The following SEL1L3 variants were observed in gnomAD, a reference collection of about 807,000 sequenced individuals.
The protein encoded by SEL1L3 is SEL1L family member 3.
Under a neutral mutation model 142.8 loss-of-function variants are expected in SEL1L3, and 76 were observed. The ratio of observed to expected loss-of-function variants is 0.53; its 90% CI spans 0.44 to 0.64. The LOEUF (loss-of-function observed/expected upper bound fraction) is 0.64, where lower values mean the gene tolerates loss of function less well. Ranked by LOEUF, SEL1L3 falls within the 30% of genes least tolerant of loss-of-function variation. The pLI is 0.00. For missense variants in SEL1L3, 1,262 were observed against 1,381.7 expected (o/e 0.91, Z 1.37); for synonymous variants, 504 against 519.6 (o/e 0.97, Z 0.41).
At chr4:25,726,996 G>T in the SEL1L3 span, among the ~76,000 whole-genome samples, 1 of 151,378 alleles carries the variant, frequency 6.6e-6, no homozygotes, top group East Asian at 1.9e-4. Context: ...TCATGTGGTT[G>T]GTCGTCCCCC....
At chr4:25,735,019 G>A in the SEL1L3 span, among the ~76,000 whole-genome samples, 4 of 151,718 alleles carry the variant, frequency 2.6e-5, no homozygotes, top group East Asian at 7.7e-4. Context: ...GTGTACAGTT[G>A]GTATATTTTC....
chr4:25,827,676 C>T (rs1264942698), intron 6 of SEL1L3, among the ~76,000 whole-genome samples: 1 of 152,114 alleles, frequency 6.6e-6, no homozygotes, highest in Non-Finnish European at 1.5e-5. Flanking sequence ...CCGGCCCCAG[C>T]CCTGGATCAT....
chr4:25,802,222 C>T, intron 11 of SEL1L3, 61 bp downstream of exon 11: 4 of 1,474,108 alleles, frequency 2.7e-6, no homozygotes, highest in East Asian at 2.3e-5. Context: ...CAGGGGCAGA[C>T]ACTTCATGAA....
intron 1 of SEL1L3, 78 bp downstream of exon 1, chr4:25,862,597 G>A: frequency 2.7e-6 from 2 of 730,066 alleles, no homozygotes; most frequent in South Asian, 5.8e-5. Flanking sequence ...CCCGCGTGGC[G>A]GGTGTCCCCG....
intron 8 of SEL1L3, 141 bp downstream of exon 8, chr4:25,819,667 G>A (rs1486688207): frequency 1.5e-5 from 10 of 669,672 alleles, no homozygotes; most frequent in Admixed American, 7.5e-5. Context: ...CACCAGTGGA[G>A]GGCTCAAGGT....
At chr4:25,776,212 C>T in intron 17 of SEL1L3, 65 bp downstream of exon 17, 2 of 1,008,816 alleles carry the variant, frequency 2.0e-6, no homozygotes, top group East Asian at 2.4e-5. Context: ...TTTAAGACTC[C>T]ATTTCATAAG....
upstream of SEL1L3, chr4:25,863,026 A>G (rs1717851783): frequency 2.1e-5 from 3 of 142,850 alleles, no homozygotes; most frequent in Non-Finnish European, 3.6e-5. Context: ...GCCCCAGCCG[A>G]GCGCCGGCTC....
At chr4:25,734,025 CTTTG>C in the SEL1L3 span, among the ~76,000 whole-genome samples, 1 of 151,732 alleles carries the variant, frequency 6.6e-6, no homozygotes, top group African/African-American at 2.4e-5. Context: ...GTTTTTTGGG[CTTTG>C]TTTTTTTTGA....
At chr4:25,846,539 C>A (rs1328051682) in intron 2 of SEL1L3, among the ~76,000 whole-genome samples, 2 of 152,136 alleles carry the variant, frequency 1.3e-5, no homozygotes, top group African/African-American at 4.8e-5. Context: ...GGTTACCATT[C>A]TGTGGTACAA....
At chr4:25,819,439 G>A (rs1411692216) in intron 8 of SEL1L3, among the ~76,000 whole-genome samples, 2 of 152,202 alleles carry the variant, frequency 1.3e-5, no homozygotes, top group Non-Finnish European at 2.9e-5. Flanking sequence ...CACTGATGGG[G>A]AAACATTTCT....
chr4:25,846,973 A>G (rs1317823216), intron 2 of SEL1L3, among the ~76,000 whole-genome samples: 3 of 151,582 alleles, frequency 2.0e-5, no homozygotes, highest in African/African-American at 4.9e-5. Flanking sequence ...GTGAGTGGGA[A>G]GATTTTCCCA....
At chr4:25,853,944 T>C (rs1717071516) in intron 1 of SEL1L3, among the ~76,000 whole-genome samples, 1 of 152,152 alleles carries the variant, frequency 6.6e-6, no homozygotes, top group Non-Finnish European at 1.5e-5. Context: ...AGTGCTAGGA[T>C]TACAGGTGTG....
At chr4:25,726,043 C>T in the SEL1L3 span, among the ~76,000 whole-genome samples, 1 of 152,120 alleles carries the variant, frequency 6.6e-6, no homozygotes, top group African/African-American at 2.4e-5. Flanking sequence ...CCCAACAGGT[C>T]TCAGCCTCAT....
chr4:25,725,425 C>G, the SEL1L3 span, among the ~76,000 whole-genome samples: 1 of 151,586 alleles, frequency 6.6e-6, no homozygotes. Flanking sequence ...AAGCAATTCT[C>G]CTGCCTCCGC....
In SEL1L3 at chr4:25,859,922, A is replaced by T. The variant is rs936231; in HGVS notation, c.162+2753T>A. Reference sequence around the variant, plus strand: ...GACCTCACATCCTGGCCAATTGCACAGTAGCTGCTAATTGCTAGAGCTCTG... The same window carrying T: ...GACCTCACATCCTGGCCAATTGCACTGTAGCTGCTAATTGCTAGAGCTCTG... On this transcript the variant is annotated intron_variant, in intron 1 of 23. Transcript: ENST00000399878. 2.4e-4 allele frequency among the ~76,000 whole-genome samples: 37 copies of T among 152,326 alleles called. No individual in the cohort carries two copies. In the East Asian group the frequency reaches 6.2e-3, roughly 25 times the overall value.
At chr4:25,752,794 T>G (rs747227176) in intron 23 of SEL1L3, among the ~76,000 whole-genome samples, 1 of 152,236 alleles carries the variant, frequency 6.6e-6, no homozygotes, top group African/African-American at 2.4e-5. Context: ...CTAATTTTTG[T>G]ATTTTTAGTA....
chr4:25,787,511 G>A (rs936789689), intron 13 of SEL1L3, among the ~76,000 whole-genome samples: 13 of 152,144 alleles, frequency 8.5e-5, no homozygotes, highest in African/African-American at 2.7e-4. Flanking sequence ...GTAGAGACGG[G>A]GTTTCACCAT....
At chr4:25,792,116 C>A (rs76625436) in intron 11 of SEL1L3, among the ~76,000 whole-genome samples, 13,710 of 152,130 alleles carry the variant, frequency 0.09, 707 homozygotes, top group South Asian at 0.2. Context: ...GAGGAGGCCA[C>A]CAAGTTAACA....
chr4:25,833,350 G>T, intron 4 of SEL1L3, 98 bp downstream of exon 4: 1 of 1,212,144 alleles, frequency 8.2e-7, no homozygotes, highest in Non-Finnish European at 1.2e-6. Flanking sequence ...GGGCTGCCAT[G>T]TTGACAGGAT....
Sources: allele counts gnomAD v4.1 joint callset (sites outside exome capture counted in the v4.1 genomes callset), GRCh38; gene constraint gnomAD v4.1.1; transcripts MANE v1.5; gene names NCBI Gene and HGNC (gene_info 2026-07-23, HGNC 2026-07-21).